XPO5: variants seen among roughly 807,000 people sequenced by gnomAD.
XPO5 encodes exportin-5.
A neutral mutation model predicts 160.6 loss-of-function variants in XPO5; 46 were observed. The observed-to-expected ratio is 0.29, with a 90% CI of 0.23 to 0.37. The LOEUF (loss-of-function observed/expected upper bound fraction) is 0.37. XPO5 is among the 10% of genes least tolerant of loss of function. XPO5 has a pLI of 1.00. For missense variants in XPO5, 1,090 were observed against 1,463.9 expected, an observed-to-expected ratio of 0.74 and a Z score of 4.17; for synonymous variants, 537 against 519.3, an observed-to-expected ratio of 1.03 and a Z score of -0.46.
At chr6:43,551,955 C>G (rs1795248165) in intron 14 of XPO5, among the ~76,000 whole-genome samples, 1 of 152,188 alleles carries the variant, frequency 6.6e-6, no homozygotes, top group Non-Finnish European at 1.5e-5. Context: ...GTGTGAACCA[C>G]CGTACTCAGC....
At chr6:43,543,274 G>C (rs1182433007) in intron 20 of XPO5, among the ~76,000 whole-genome samples, 2 of 152,018 alleles carry the variant, frequency 1.3e-5, no homozygotes, top group Non-Finnish European at 2.9e-5. Flanking sequence ...GCAACATAGA[G>C]AGAACCTATC....
intron 3 of XPO5, 31 bp downstream of exon 3, chr6:43,572,475 G>C (rs775785941): frequency 6.2e-7 from 1 of 1,611,162 alleles, no homozygotes; most frequent in South Asian, 1.1e-5. Context: ...AACTACCTTG[G>C]AAACATGTCT....
chr6:43,533,244 A>ACG (rs1399485412), intron 21 of XPO5: 1 of 135,168 alleles, frequency 7.4e-6, no homozygotes, highest in Non-Finnish European at 1.5e-5. Flanking sequence ...ACACACACAC[A>ACG]CACACACACA....
chr6:43,556,005 A>G (rs781493800), intron 12 of XPO5, 41 bp from the exon 13 acceptor site: 2 of 1,609,668 alleles, frequency 1.2e-6, no homozygotes, highest in South Asian at 2.2e-5. Flanking sequence ...GGAATCAATA[A>G]CTGGTATAAA....
rs558465634 is a variant in XPO5, at chr6:43,539,142, G to A, written c.2343-5135C>T. ...ATGAGGCGCACCAGCACAGAGCCAC[G>A]GCGGCCTGTCACCTTGCAGGGGACG... On this transcript the variant is annotated intron_variant, in intron 20 of 31. Transcript: ENST00000265351. The A allele has an allele frequency of 5.3e-4, 610 of 1,155,974 alleles. 4 individuals carry two copies. In the African/African-American group the frequency reaches 6.9e-3, roughly 13 times the overall value. 71.6% of individuals were successfully genotyped at this position (1,155,974 alleles called of 1,614,324 possible).
At chr6:43,564,202 A>G (rs899963914) in intron 8 of XPO5, among the ~76,000 whole-genome samples, 1 of 152,154 alleles carries the variant, frequency 6.6e-6, no homozygotes, top group Non-Finnish European at 1.5e-5. Flanking sequence ...GATCACAAGC[A>G]TGACCCAGCG....
Position 43,522,616 on chromosome 6 carries a change from G to A in XPO5, c.*1252C>T. 1 of 389,782 alleles carries A rather than the reference G, an allele frequency of 2.6e-6. No individual in the cohort carries two copies. The highest frequency in any genetic ancestry group is 5.7e-6 in the Non-Finnish European group (1 of 176,240). The allele number at this position is 389,782 out of a possible 1,614,324, so 24.1% of individuals were successfully genotyped here. On this transcript the variant is annotated 3_prime_UTR_variant, in exon 32 of 32. Coordinates refer to ENST00000265351, the MANE Select transcript of XPO5 (RefSeq NM_020750.3). ...GAGCAACACAAGACTCCCAACTTCT[G>A]CTTCCCCAGCTTTGCTTCTTCTCAA... is the stretch of plus-strand genomic sequence containing the variant.
chr6:43,545,722 AC>A (rs1266814524), intron 20 of XPO5, among the ~76,000 whole-genome samples: 5 of 140,396 alleles, frequency 3.6e-5, no homozygotes, highest in African/African-American at 1.3e-4. Context: ...AAACAAACAA[AC>A]AAAAAAAAAA....
At chr6:43,552,215 G>A (rs749556032) in intron 14 of XPO5, among the ~76,000 whole-genome samples, 12 of 151,990 alleles carry the variant, frequency 7.9e-5, no homozygotes, top group Non-Finnish European at 1.6e-4. Context: ...CCATGACCAT[G>A]CCCGGCTAAT....
At chr6:43,572,604 A>G (rs763225048) in intron 2 of XPO5, 26 bp from the exon 3 acceptor site, 2 of 1,609,746 alleles carry the variant, frequency 1.2e-6, no homozygotes, top group East Asian at 4.5e-5. Context: ...CATAAAGTCA[A>G]TAGAACCACT....
chr6:43,539,627 C>A, intron 20 of XPO5: 3 of 1,344,306 alleles, frequency 2.2e-6, no homozygotes, highest in Non-Finnish European at 3.1e-6. Flanking sequence ...GAAACCTCTG[C>A]GGAAGCCACC....
At chr6:43,529,146 G>A (rs1314814511) in intron 23 of XPO5, 2 of 1,320,048 alleles carry the variant, frequency 1.5e-6, no homozygotes, top group Non-Finnish European at 2.1e-6. Context: ...ATTTCCGTCA[G>A]GCTGCACATT....
Position 43,549,640 on chromosome 6 carries a change from G to T in XPO5, c.1771-62C>A, listed in dbSNP as rs1795133868. 6 of 1,541,518 alleles carry T rather than the reference G, an allele frequency of 3.9e-6. No homozygotes were observed. In the Admixed American group the frequency reaches 1.1e-4, roughly 29 times the overall value. On this transcript the variant is annotated intron_variant, in intron 16 of 31. Transcript: ENST00000265351. ...TAATATAATATACAGGTGCTGCATAGACTCATGTGAATATCTCAGTCAGGG... is the reference window on the plus strand; with the variant it reads ...TAATATAATATACAGGTGCTGCATATACTCATGTGAATATCTCAGTCAGGG...
chr6:43,524,934 G>A lies in XPO5; in HGVS notation c.3209C>T (p.Thr1070Met), dbSNP rs774492981. 3 of 1,613,856 alleles carry A rather than the reference G, an allele frequency of 1.9e-6. No homozygotes were observed. The highest frequency in any genetic ancestry group is 1.7e-5 in the Admixed American group (1 of 60,020). ...LSGTLLADAV[T>M]WLFTSVLKGL... ...TTTCAGCACACTGGTGAAAAGCCAC[G>A]TAACTGCATCTGCGAGCAGTGTCCC... The change falls in exon 30 of 32, where the codon ACG becomes ATG. Residue 1070 changes from threonine to methionine, a missense_variant. Thr to Met is a moderately conservative substitution (Grantham distance 81). This residue lies in a region of XPO5 where 810 missense variants were observed against 1,139.0 expected (regional missense o/e 0.71). Coordinates refer to ENST00000265351, the MANE Select transcript of XPO5 (RefSeq NM_020750.3).
At chr6:43,575,663 CGTG>C in intron 1 of XPO5, 94 bp downstream of exon 1, 1 of 1,124,278 alleles carries the variant, frequency 8.9e-7, no homozygotes, top group Non-Finnish European at 1.3e-6. Flanking sequence ...CCAGGGGCCG[CGTG>C]GGCGGGAGAC....
At chr6:43,534,098 ACACAGAT>A in intron 20 of XPO5, 91 bp from the exon 21 acceptor site, 2 of 949,144 alleles carry the variant, frequency 2.1e-6, no homozygotes, top group Non-Finnish European at 3.2e-6. Context: ...CTACAGTTTC[ACACAGAT>A]CTGCCCATCA....
At chr6:43,558,724 T>C in intron 11 of XPO5, 133 bp from the exon 12 acceptor site, 1 of 639,798 alleles carries the variant, frequency 1.6e-6, no homozygotes, top group South Asian at 2.3e-5. Context: ...ATGGTAAATA[T>C]CCACTTCAGT....
Position 43,573,493 on chromosome 6 carries a change from C to A in XPO5, c.214G>T (p.Glu72Ter). ...IVRHFGLQIL[E>*]HVVKFRWNGM... ...AGAGCTCCTTACTTGACAACGTGTT[C>A]CAGGATCTGAAGGCCAAAATGTCTG... is the stretch of plus-strand genomic sequence containing the variant. The change falls in exon 2 of 32, where the codon GAA (glutamate) becomes TAA (stop). Residue 72 changes from glutamate (E) to a stop codon, truncating the protein, a stop_gained. Transcript: ENST00000265351. LOFTEE classifies it high-confidence loss of function. 6.2e-7 allele frequency: 1 copy of A among 1,613,444 alleles called. No homozygotes were observed. The highest frequency in any genetic ancestry group is 8.5e-7 in the Non-Finnish European group (1 of 1,179,560).
In XPO5 at chr6:43,564,084, G is replaced by A. The variant is rs537240352; in HGVS notation, c.911+1576C>T. 1.8e-4 allele frequency among the ~76,000 whole-genome samples: 27 copies of A among 152,160 alleles called. 2 individuals are homozygous for A. The highest frequency in any genetic ancestry group is 6.3e-4 in the African/African-American group (26 of 41,530). On this transcript the variant is annotated intron_variant, in intron 8 of 31. Coordinates refer to ENST00000265351, the MANE Select transcript of XPO5 (RefSeq NM_020750.3). ...ATACACACATGCACCACCACGCCCG[G>A]CTAATTTTTGTACTTTTAGTAGAGA...
Sources: allele counts gnomAD v4.1 joint callset (sites outside exome capture counted in the v4.1 genomes callset), GRCh38; gene constraint gnomAD v4.1.1; regional missense constraint gnomAD v4.1.1; transcripts MANE v1.5; gene names NCBI Gene and HGNC (gene_info 2026-07-23, HGNC 2026-07-21).